Variants in ZUP1 observed in about 807,000 individuals in gnomAD.
ZUP1 encodes zinc finger-containing ubiquitin peptidase 1.
A neutral mutation model predicts 68.1 loss-of-function variants in ZUP1; 55 were observed. The observed-to-expected ratio is 0.81, with a 90% CI of 0.65 to 1.01. The LOEUF is 1.01. Among genes scored for constraint, ZUP1 ranks in the 50% least tolerant of loss-of-function variants. The probability of loss-of-function intolerance (pLI) is 0.00; values close to 1 mark genes in which losing one functional copy is unlikely to be tolerated. For synonymous variants in ZUP1, 223 were observed against 221.5 expected (o/e 1.01, Z -0.06); for missense variants, 684 against 674.9 (o/e 1.01, Z -0.15).
chr6:116,665,915 T>C (rs1298142363), intron 2 of ZUP1, among the ~76,000 whole-genome samples: 2 of 151,658 alleles, frequency 1.3e-5, no homozygotes, highest in Non-Finnish European at 2.9e-5. Flanking sequence ...AGTTCAACAA[T>C]AAGAAAAAGA....
At position 116,645,869 on chromosome 6, in the gene ZUP1, C is replaced by G. The variant is rs1776286825; in HGVS notation, c.1534G>C (p.Asp512His). 6.2e-7 allele frequency: 1 copy of G among 1,613,896 alleles called. No individual in the cohort carries two copies. Among genetic ancestry groups the G allele is most frequent in the Non-Finnish European group, 8.5e-7 (1 of 1,179,908 alleles). ...KNRTLCLLIL[D>H]PGCPSREMQK... Reference sequence around the variant, plus strand: ...ATTTCTCGAGAAGGACATCCAGGATCAAGTATTAGTAAGCATAATGTTCGG... The same window carrying G: ...ATTTCTCGAGAAGGACATCCAGGATGAAGTATTAGTAAGCATAATGTTCGG... The change falls in exon 9 of 10, where the codon GAT becomes CAT. Residue 512 changes from aspartate to histidine, a missense_variant. Coordinates refer to ENST00000368576, the MANE Select transcript of ZUP1 (RefSeq NM_145062.3).
At chr6:116,662,100 G>A (rs2114286373) in intron 2 of ZUP1, among the ~76,000 whole-genome samples, 1 of 152,284 alleles carries the variant, frequency 6.6e-6, no homozygotes, top group Non-Finnish European at 1.5e-5. Context: ...CAATGGCAAA[G>A]CTCAAGAGAA....
At chr6:116,667,386 AT>A (rs371907314) in intron 1 of ZUP1, among the ~76,000 whole-genome samples, 179 bp from the exon 2 acceptor site, 10 of 151,626 alleles carry the variant, frequency 6.6e-5, no homozygotes, top group South Asian at 2.1e-4. Flanking sequence ...AATTTCATTT[AT>A]TTTTTTTTAA....
rs1777034793 is a variant in ZUP1, at chr6:116,667,041, G to A, written c.152C>T (p.Ala51Val). Residue 51 changes from alanine to valine, a missense_variant, in exon 2 of 10, where the codon GCT becomes GTT. Ala to Val is a moderately conservative substitution (Grantham distance 64). Transcript: ENST00000368576. ...YDEMCFHIETAHFEQNTLERN... is the reference protein window; with the variant it reads ...YDEMCFHIETVHFEQNTLERN... Reference sequence around the variant, plus strand: ...TTCAAGTGTATTCTGCTCAAAATGAGCTGTTTCGATATGAAAACACATTTC... The same window carrying A: ...TTCAAGTGTATTCTGCTCAAAATGAACTGTTTCGATATGAAAACACATTTC... 6.2e-7 allele frequency: 1 copy of A among 1,613,634 alleles called. No homozygotes were observed. Among genetic ancestry groups the A allele is most frequent in the East Asian group, 2.2e-5 (1 of 44,798 alleles).
chr6:116,664,495 G>A (rs150121832), intron 2 of ZUP1, among the ~76,000 whole-genome samples: 28 of 150,812 alleles, frequency 1.9e-4, no homozygotes, highest in African/African-American at 6.8e-4. Flanking sequence ...TGAATTAATG[G>A]GGAGATGTAC....
At chr6:116,647,349 ATT>A (rs1365283971) in intron 8 of ZUP1, 108 bp downstream of exon 8, 1 of 994,268 alleles carries the variant, frequency 1.0e-6, no homozygotes, top group African/African-American at 1.6e-5. Context: ...ACAGAGTGAG[ATT>A]CTGTCTAAAA....
chr6:116,649,694 A>G (rs758012935), intron 7 of ZUP1, among the ~76,000 whole-genome samples: 15 of 152,188 alleles, frequency 9.9e-5, no homozygotes, highest in Non-Finnish European at 2.1e-4. Context: ...AGATCTCTCT[A>G]TATAACGATA....
intron 3 of ZUP1, among the ~76,000 whole-genome samples, chr6:116,659,723 A>C (rs1438875899): frequency 6.6e-6 from 1 of 152,206 alleles, no homozygotes; most frequent in Non-Finnish European, 1.5e-5. Context: ...AAACTTTGCA[A>C]CATCTCATCC....
At chr6:116,661,592 A>G (rs765833126) in intron 2 of ZUP1, among the ~76,000 whole-genome samples, 1 of 152,242 alleles carries the variant, frequency 6.6e-6, no homozygotes, top group Non-Finnish European at 1.5e-5. Context: ...ATAGCACTGC[A>G]GGCAGACAGG....
chr6:116,651,407 T>C (rs1198309278), intron 7 of ZUP1, among the ~76,000 whole-genome samples, 165 bp downstream of exon 7: 1 of 152,142 alleles, frequency 6.6e-6, no homozygotes, highest in African/African-American at 2.4e-5. Flanking sequence ...AACTTGAGGG[T>C]AGAGAAGAGC....
intron 5 of ZUP1, among the ~76,000 whole-genome samples, chr6:116,656,258 T>C (rs1055403362): frequency 2.0e-5 from 3 of 152,076 alleles, no homozygotes; most frequent in African/African-American, 7.2e-5. Context: ...TTTGTAATTT[T>C]TTTTTAGTAG....
At chr6:116,638,523 G>A (rs1419278175) in intron 9 of ZUP1, among the ~76,000 whole-genome samples, 1 of 152,134 alleles carries the variant, frequency 6.6e-6, no homozygotes, top group Non-Finnish European at 1.5e-5. Context: ...AAGCCCAAGT[G>A]CATAAAATAG....
chr6:116,649,780 G>T (rs1426743002), intron 7 of ZUP1, among the ~76,000 whole-genome samples: 2 of 152,196 alleles, frequency 1.3e-5, no homozygotes, highest in African/African-American at 4.8e-5. Context: ...TAATCTGCAA[G>T]CTCTGTGCAG....
intron 9 of ZUP1, among the ~76,000 whole-genome samples, chr6:116,644,820 C>A (rs1447123868): frequency 6.7e-6 from 1 of 149,318 alleles, no homozygotes; most frequent in African/African-American, 2.5e-5. Context: ...GCACATGTAC[C>A]CTAAAACTTA....
chr6:116,637,415 T>C (rs1218052898), intron 9 of ZUP1, among the ~76,000 whole-genome samples: 1 of 152,164 alleles, frequency 6.6e-6, no homozygotes, highest in Non-Finnish European at 1.5e-5. Context: ...CAATCTATTA[T>C]AATTAAATCT....
At chr6:116,642,725 A>G (rs1212021328) in intron 9 of ZUP1, among the ~76,000 whole-genome samples, 2 of 152,148 alleles carry the variant, frequency 1.3e-5, no homozygotes, top group Non-Finnish European at 2.9e-5. Flanking sequence ...CCCACAGCCA[A>G]TATCATACTG....
At position 116,635,795 on chromosome 6, in the gene ZUP1, T is replaced by G; in HGVS notation, c.*37A>C. The G allele has an allele frequency of 1.3e-6, 2 of 1,561,116 alleles. No individual in the cohort carries two copies. Among genetic ancestry groups the G allele is most frequent in the Non-Finnish European group, 1.7e-6 (2 of 1,149,532 alleles). On this transcript the variant is annotated 3_prime_UTR_variant, in exon 10 of 10. Transcript: ENST00000368576. ...TATCTACATTTAGAAAACAAAGTAT[T>G]GTTCTCAATCACTGAAATGCTTAAA... is the stretch of plus-strand genomic sequence containing the variant.
chr6:116,656,705 C>T lies in ZUP1; in HGVS notation c.940G>A (p.Asp314Asn), dbSNP rs1333681330. The stretch of plus-strand genomic sequence containing the variant: ...TCACCGGAAGTTTTTGTTTTTCCAT[C>T]GTCAAAACCAAGAGCTAATGATTCC... ...MMESLALGFDDGKTKTSGIIE... is the reference protein window; with the variant it reads ...MMESLALGFDNGKTKTSGIIE... Residue 314 changes from aspartate (D) to asparagine (N), a missense_variant, in exon 5 of 10, where the codon GAT becomes AAT. By Grantham distance (23) the Asp-to-Asn change is conservative. Coordinates refer to ENST00000368576, the MANE Select transcript of ZUP1 (RefSeq NM_145062.3). 7.5e-6 allele frequency: 12 copies of T among 1,608,304 alleles called. No individual in the cohort carries two copies. The highest frequency in any genetic ancestry group is 5.6e-5 in the South Asian group (5 of 89,700).
rs1262240589 is a variant in ZUP1, at chr6:116,667,118, C to T, written c.75G>A (p.Met25Ile). Residue 25 changes from methionine to isoleucine, a missense_variant, in exon 2 of 10, where the codon ATG becomes ATA. Transcript: ENST00000368576. Reference sequence around the variant, plus strand: ...AAAATGGACATATAATTTCACTTTCCATGTGAACAATTAGGTGAGCTTTCA... The same window carrying T: ...AAAATGGACATATAATTTCACTTTCTATGTGAACAATTAGGTGAGCTTTCA... ...PDMKAHLIVH[M>I]ESEIICPFCK... The T allele has an allele frequency of 6.2e-7, 1 of 1,613,332 alleles. No individual in the cohort carries two copies. The highest frequency in any genetic ancestry group is 1.7e-5 in the Admixed American group (1 of 59,924).
Sources: allele counts gnomAD v4.1 joint callset (sites outside exome capture counted in the v4.1 genomes callset), GRCh38; gene constraint gnomAD v4.1.1; transcripts MANE v1.5; gene names NCBI Gene and HGNC (gene_info 2026-07-23, HGNC 2026-07-21).